Variants in KCNMB2 observed in about 807,000 individuals in gnomAD.
KCNMB2 encodes the protein potassium calcium-activated channel subfamily M regulatory beta subunit 2, also known as calcium-activated potassium channel subunit beta-2.
KCNMB2 carries 9 observed loss-of-function variants against 24.5 expected under a neutral mutation model. That is an observed-to-expected ratio of 0.37 (90% CI 0.22 to 0.64). The LOEUF is 0.64. KCNMB2 is among the 30% of genes least tolerant of loss of function. The pLI, the probability that KCNMB2 is intolerant of heterozygous loss-of-function variation, is 0.63. For missense variants in KCNMB2, 226 were observed against 284.3 expected, an observed-to-expected ratio of 0.79 and a Z score of 1.47; for synonymous variants, 109 against 104.4, an observed-to-expected ratio of 1.04 and a Z score of -0.27.
At chr3:178,752,914 C>T (rs1723898978) in intron 1 of KCNMB2, among the ~76,000 whole-genome samples, 1 of 152,140 alleles carries the variant, frequency 6.6e-6, no homozygotes, top group Admixed American at 6.5e-5. Context: ...AAAAAACTAA[C>T]ACTGTGGGTT....
chr3:178,571,167 A>G (rs975479895), intron 1 of KCNMB2, among the ~76,000 whole-genome samples: 10 of 151,978 alleles, frequency 6.6e-5, no homozygotes, highest in African/African-American at 2.2e-4. Context: ...TCTACTTTTT[A>G]GTTGCTCTAT....
At chr3:178,803,048 T>C (rs934677102) in intron 1 of KCNMB2, among the ~76,000 whole-genome samples, 2 of 152,336 alleles carry the variant, frequency 1.3e-5, no homozygotes, top group Admixed American at 1.3e-4. Context: ...TTATGTTTCA[T>C]GGTCTACTTT....
At chr3:178,801,860 T>C (rs1456586242) in intron 1 of KCNMB2, 2 of 152,210 alleles carry the variant, frequency 1.3e-5, no homozygotes, top group East Asian at 1.9e-4. Flanking sequence ...GATTTGTTAT[T>C]CTGACTCTTC....
At chr3:178,578,401 C>T (rs1244695459) in intron 1 of KCNMB2, among the ~76,000 whole-genome samples, 2 of 152,184 alleles carry the variant, frequency 1.3e-5, no homozygotes. Context: ...AGAGGAAAAA[C>T]TAGTACCAGC....
chr3:178,730,981 T>C (rs1370731708), intron 1 of KCNMB2, among the ~76,000 whole-genome samples: 1 of 152,190 alleles, frequency 6.6e-6, no homozygotes, highest in African/African-American at 2.4e-5. Flanking sequence ...CACTAGTTTA[T>C]ATACTTAAGT....
chr3:178,560,994 T>C (rs1309964107), intron 1 of KCNMB2, among the ~76,000 whole-genome samples: 1 of 152,194 alleles, frequency 6.6e-6, no homozygotes. Flanking sequence ...AGAGTATCAG[T>C]TATCTGAGGC....
intron 1 of KCNMB2, among the ~76,000 whole-genome samples, chr3:178,712,558 G>A (rs1722488808): frequency 6.6e-6 from 1 of 152,124 alleles, no homozygotes; most frequent in South Asian, 2.1e-4. Flanking sequence ...TTTATTACAC[G>A]CACACTGTAT....
chr3:178,655,554 C>T (rs1490796652), intron 1 of KCNMB2, among the ~76,000 whole-genome samples: 1 of 152,154 alleles, frequency 6.6e-6, no homozygotes, highest in Non-Finnish European at 1.5e-5. Context: ...GTTGATTTGC[C>T]TTTGAGCTTT....
At position 178,758,044 on chromosome 3, in the gene KCNMB2, AGATATATATATATATCTC is replaced by A. The variant is rs1560006473; in HGVS notation, c.-67-49298_-67-49281del. On this transcript the variant is annotated intron_variant, in intron 1 of 4. Coordinates refer to ENST00000452583, the MANE Select transcript of KCNMB2 (RefSeq NM_181361.3). Reference sequence around the variant, plus strand: ...ATCTAGAGGATATATATATATATCTAGATATATATATATATCTCCAAGAGGATATATATATATACACAA... The same window carrying A: ...ATCTAGAGGATATATATATATATCTACAAGAGGATATATATATATACACAA... Among the ~76,000 whole-genome samples the A allele has an allele frequency of 4.2e-4, 3 of 7,166 alleles. 1 individual carries two copies. 4.7% of individuals were successfully genotyped at this position (7,166 alleles called of 152,430 possible). A position where few individuals can be genotyped will look rare whatever the true frequency, so the allele number is the denominator to read the frequency against.
rs1167292182 is a variant in KCNMB2 at position 178,767,382 on chromosome 3, T to A, written c.-67-39961T>A. 5.3e-5 allele frequency among the ~76,000 whole-genome samples: 8 copies of A among 152,146 alleles called. No homozygotes were observed. The East Asian group carries it at 1.5e-3, about 29-fold the overall frequency. ...ATAAATAGAACATGAACTGGAAAGG[T>A]ATGAATCAAATTCATGATTTGGGGC... On this transcript the variant is annotated intron_variant, in intron 1 of 4. Transcript: ENST00000452583.
At chr3:178,813,378 C>T (rs1290270987) in intron 2 of KCNMB2, among the ~76,000 whole-genome samples, 1 of 152,048 alleles carries the variant, frequency 6.6e-6, no homozygotes, top group Non-Finnish European at 1.5e-5. Context: ...ATTTAAGCAA[C>T]ATTTTGTGGC....
chr3:178,615,369 C>T (rs1718667505), intron 1 of KCNMB2, among the ~76,000 whole-genome samples: 1 of 152,196 alleles, frequency 6.6e-6, no homozygotes, highest in African/African-American at 2.4e-5. Context: ...ATGGTGAATT[C>T]CCCCAGGCCC....
chr3:178,782,968 A>G (rs1234819454), intron 1 of KCNMB2, among the ~76,000 whole-genome samples: 2 of 149,546 alleles, frequency 1.3e-5, no homozygotes, highest in East Asian at 2.0e-4. Context: ...TGATTTTTGT[A>G]TAAGGTGTAA....
At chr3:178,611,175 T>G (rs1303801863) in intron 1 of KCNMB2, among the ~76,000 whole-genome samples, 2 of 152,194 alleles carry the variant, frequency 1.3e-5, no homozygotes, top group Non-Finnish European at 2.9e-5. Flanking sequence ...ATTGGTCTGT[T>G]CATGTTTTGG....
At chr3:178,675,571 T>C (rs1477230849) in intron 1 of KCNMB2, among the ~76,000 whole-genome samples, 1 of 152,132 alleles carries the variant, frequency 6.6e-6, no homozygotes, top group African/African-American at 2.4e-5. Flanking sequence ...CACTTTTTCC[T>C]TAGACATTAA....
chr3:178,631,792 T>C (rs1229991436), intron 1 of KCNMB2, among the ~76,000 whole-genome samples: 1 of 152,204 alleles, frequency 6.6e-6, no homozygotes. Flanking sequence ...TAAATTTTAC[T>C]CAAAGTTAAC....
At chr3:178,751,257 T>C (rs1723836616) in intron 1 of KCNMB2, among the ~76,000 whole-genome samples, 2 of 152,066 alleles carry the variant, frequency 1.3e-5, no homozygotes, top group African/African-American at 2.4e-5. Flanking sequence ...GACAAATAGA[T>C]AATAATAATC....
At chr3:178,828,850 T>C (rs1023385680) in intron 4 of KCNMB2, among the ~76,000 whole-genome samples, 1 of 151,928 alleles carries the variant, frequency 6.6e-6, no homozygotes, top group African/African-American at 2.4e-5. Flanking sequence ...ATGGCCACCT[T>C]GCAAGGTCCT....
rs573002747 is a variant in KCNMB2 at position 178,628,747 on chromosome 3, G to A, written c.-68+92036G>A. 4.6e-5 allele frequency among the ~76,000 whole-genome samples: 7 copies of A among 152,224 alleles called. No individual in the cohort carries two copies. In the South Asian group the frequency reaches 1.5e-3, roughly 32 times the overall value. On this transcript the variant is annotated intron_variant, in intron 1 of 4. Transcript: ENST00000452583. ...GTGTAGTTTCCTGGGATTTAGGAAA[G>A]GGAAAATCATTCTTAAAAATGGTAG...
Sources: allele counts gnomAD v4.1 joint callset (sites outside exome capture counted in the v4.1 genomes callset), GRCh38; gene constraint gnomAD v4.1.1; transcripts MANE v1.5; gene names NCBI Gene and HGNC (gene_info 2026-07-23, HGNC 2026-07-21).